MCTP1: variants seen among roughly 807,000 people sequenced by gnomAD.
MCTP1 encodes the protein multiple C2 and transmembrane domain containing 1.
MCTP1 carries 69 observed loss-of-function variants against 120.6 expected under a neutral mutation model. The observed-to-expected ratio is 0.57, with a 90% CI of 0.47 to 0.70. The LOEUF (loss-of-function observed/expected upper bound fraction) is 0.70. Ranked by LOEUF, MCTP1 falls within the 30% of genes least tolerant of loss-of-function variation. The pLI is 0.00. For synonymous variants in MCTP1, 529 were observed against 493.1 expected (o/e 1.07, Z -0.96); for missense variants, 1,203 against 1,248.8 (o/e 0.96, Z 0.55).
intron 1 of MCTP1, among the ~76,000 whole-genome samples, chr5:95,264,352 G>A (rs1000645815): frequency 6.6e-6 from 1 of 152,114 alleles, no homozygotes; most frequent in African/African-American, 2.4e-5. Flanking sequence ...AGGAAGAAAA[G>A]CATTAAAAAC....
chr5:95,190,645 A>T lies in MCTP1; in HGVS notation c.720+93211T>A, dbSNP rs192197147. Among the ~76,000 whole-genome samples, 321 of 152,006 alleles carry T rather than the reference A, an allele frequency of 2.1e-3. 2 individuals are homozygous for T. Among genetic ancestry groups the T allele is most frequent in the African/African-American group, 7.4e-3 (307 of 41,532 alleles). On this transcript the variant is annotated intron_variant, in intron 1 of 22. Transcript: ENST00000515393. ...TAGCTACTTGCTTCCAAGTTTCCTT[A>T]CTAAAAAAAAAACGGGAATAAAAAT...
chr5:95,088,912 A>T (rs1353257091), intron 1 of MCTP1, among the ~76,000 whole-genome samples: 1 of 152,222 alleles, frequency 6.6e-6, no homozygotes, highest in East Asian at 1.9e-4. Flanking sequence ...ACGCATTATC[A>T]GTCCCTGTGA....
intron 18 of MCTP1, among the ~76,000 whole-genome samples, chr5:94,794,657 G>A (rs1779649830): frequency 6.6e-6 from 1 of 152,074 alleles, no homozygotes; most frequent in Admixed American, 6.5e-5. Context: ...GTAAAATGGG[G>A]AAAAAACTAT....
chr5:94,706,314 T>TA lies in MCTP1; in HGVS notation c.*1181dup, dbSNP rs1245586923. Reference sequence around the variant, plus strand: ...AGGGAGTGAGATATAAAAACTACTTTAAGAGTCTTGGGAATGCAATTTTTA... The same window carrying TA: ...AGGGAGTGAGATATAAAAACTACTTTAAAGAGTCTTGGGAATGCAATTTTTA... On this transcript the variant is annotated 3_prime_UTR_variant, in exon 23 of 23. Coordinates refer to ENST00000515393, the MANE Select transcript of MCTP1 (RefSeq NM_024717.7). 4 of 151,702 alleles carry TA rather than the reference T, an allele frequency of 2.6e-5. No individual in the cohort carries two copies. Among genetic ancestry groups the TA allele is most frequent in the Non-Finnish European group, 5.9e-5 (4 of 67,772 alleles). The allele number at this position is 151,702 out of a possible 1,614,324, so 9.4% of individuals were successfully genotyped here.
At chr5:94,757,733 G>A (rs1230976294) in intron 19 of MCTP1, among the ~76,000 whole-genome samples, 4 of 152,206 alleles carry the variant, frequency 2.6e-5, no homozygotes, top group Admixed American at 1.3e-4. Flanking sequence ...CACACTGCTT[G>A]TTGCATGGAT....
At chr5:95,109,585 G>T (rs1290044512) in intron 1 of MCTP1, among the ~76,000 whole-genome samples, 1 of 152,084 alleles carries the variant, frequency 6.6e-6, no homozygotes, top group Non-Finnish European at 1.5e-5. Context: ...AGACAGAGCT[G>T]GATCATCAAG....
At chr5:95,107,247 C>T (rs185790825) in intron 1 of MCTP1, among the ~76,000 whole-genome samples, 28 of 152,264 alleles carry the variant, frequency 1.8e-4, no homozygotes, top group Non-Finnish European at 2.8e-4. Flanking sequence ...AAACAGATTA[C>T]CTTTCCAAAT....
intron 2 of MCTP1, among the ~76,000 whole-genome samples, chr5:94,990,179 T>C (rs1051279768): frequency 2.0e-5 from 3 of 152,174 alleles, no homozygotes; most frequent in Non-Finnish European, 2.9e-5. Context: ...CCCTCCACCA[T>C]GGGCTGTGTT....
intron 1 of MCTP1, among the ~76,000 whole-genome samples, chr5:95,117,995 G>C (rs761152112): frequency 1.3e-5 from 2 of 152,142 alleles, no homozygotes; most frequent in African/African-American, 2.4e-5. Context: ...GAAGAAAGGG[G>C]AACAATACAT....
At chr5:95,149,184 T>G (rs1013367422) in intron 1 of MCTP1, among the ~76,000 whole-genome samples, 8 of 152,184 alleles carry the variant, frequency 5.3e-5, no homozygotes, top group Non-Finnish European at 1.0e-4. Context: ...TGTTAGGTGT[T>G]ATAGGCTTAG....
intron 10 of MCTP1, 32 bp from the exon 11 acceptor site, chr5:94,894,867 CTTTTTT>C: frequency 3.0e-6 from 3 of 989,832 alleles, no homozygotes; most frequent in South Asian, 2.6e-5. Flanking sequence ...CAGCAAGTGG[CTTTTTT>C]TTTTTTTTTG....
At chr5:95,109,344 TA>T (rs1177078940) in intron 1 of MCTP1, among the ~76,000 whole-genome samples, 1 of 152,202 alleles carries the variant, frequency 6.6e-6, no homozygotes, top group African/African-American at 2.4e-5. Flanking sequence ...AATACAATTC[TA>T]AAAGTTCTAT....
chr5:94,990,922 T>C (rs181097071), intron 2 of MCTP1, among the ~76,000 whole-genome samples: 307 of 152,254 alleles, frequency 2.0e-3, no homozygotes, highest in African/African-American at 7.1e-3. Context: ...AATTCCCATA[T>C]CACTTTTCCT....
intron 1 of MCTP1, among the ~76,000 whole-genome samples, chr5:95,091,533 G>T (rs755627706): frequency 5.3e-4 from 81 of 152,264 alleles, no homozygotes; most frequent in Non-Finnish European, 5.1e-4. Context: ...CTTGCTCAGT[G>T]GAACAGTCTC....
At chr5:95,243,067 C>T (rs936719775) in intron 1 of MCTP1, among the ~76,000 whole-genome samples, 2 of 152,036 alleles carry the variant, frequency 1.3e-5, no homozygotes, top group East Asian at 3.9e-4. Flanking sequence ...CATGAGGACC[C>T]TGACTTCCTC....
At chr5:95,134,132 T>G (rs954783750) in intron 1 of MCTP1, among the ~76,000 whole-genome samples, 1 of 152,226 alleles carries the variant, frequency 6.6e-6, no homozygotes, top group African/African-American at 2.4e-5. Context: ...ATCTATTCTA[T>G]AAATAGGTGA....
chr5:94,839,722 T>C (rs914075169), intron 17 of MCTP1, among the ~76,000 whole-genome samples: 11 of 152,086 alleles, frequency 7.2e-5, no homozygotes, highest in African/African-American at 2.4e-4. Flanking sequence ...ACCCAAACGA[T>C]GGATTTGAAG....
chr5:95,227,259 A>T (rs1270289245), intron 1 of MCTP1, among the ~76,000 whole-genome samples: 1 of 152,228 alleles, frequency 6.6e-6, no homozygotes, highest in Non-Finnish European at 1.5e-5. Context: ...ATTAAAGCAG[A>T]ACAGACATCG....
Position 95,164,029 on chromosome 5 carries a change from T to C in MCTP1, c.720+119827A>G, listed in dbSNP as rs183192154. Among the ~76,000 whole-genome samples the C allele has an allele frequency of 7.6e-4, 115 of 152,312 alleles. 1 individual carries two copies. The East Asian group carries it at 0.019, about 26-fold the overall frequency. ...AATTATTTGAAATTCTTTGTATCTA[T>C]GATTTATTACTTCTGCATCTGAGTT... On this transcript the variant is annotated intron_variant, in intron 1 of 22. Transcript: ENST00000515393.
Sources: allele counts gnomAD v4.1 joint callset (sites outside exome capture counted in the v4.1 genomes callset), GRCh38; gene constraint gnomAD v4.1.1; transcripts MANE v1.5; gene names NCBI Gene and HGNC (gene_info 2026-07-23, HGNC 2026-07-21).